GYPB: variants seen among roughly 807,000 people sequenced by gnomAD.
GYPB encodes glycophorin-B.
In GYPB, 13 loss-of-function variants were observed where a neutral mutation model predicts 15.3. The observed-to-expected ratio is 0.85, with a 90% confidence interval of 0.55 to 1.35. The LOEUF (loss-of-function observed/expected upper bound fraction) is 1.35, where lower values mean the gene tolerates loss of function less well. Ranked by LOEUF, GYPB falls within the 40% of genes most tolerant of loss-of-function variation. The probability of loss-of-function intolerance (pLI) is 0.00; values close to 1 mark genes in which losing one functional copy is unlikely to be tolerated. For synonymous variants in GYPB, 38 were observed against 36.9 expected (o/e 1.03, Z -0.11); for missense variants, 131 against 108.3 (o/e 1.21, Z -0.93).
At chr4:143,995,975 A>G, downstream of GYPB, 1 of 343,322 alleles carries the variant, frequency 2.9e-6, no homozygotes, top group East Asian at 5.6e-5. Context: ...TGAAGTCTTC[A>G]TTCCCCTTCT....
intron 1 of GYPB, among the ~76,000 whole-genome samples, chr4:144,008,028 GCA>G (rs1728014530): frequency 6.6e-6 from 1 of 151,422 alleles, no homozygotes; most frequent in Admixed American, 6.6e-5. Context: ...AACACTTACT[GCA>G]CACTTACTTC....
intron 1 of GYPB, chr4:144,012,527 G>C (rs1216077612): frequency 8.3e-6 from 1 of 120,284 alleles, no homozygotes; most frequent in Non-Finnish European, 2.0e-5. Flanking sequence ...AAACAATCTT[G>C]AAGAAGAACA....
At chr4:143,999,501 A>G (rs1381961121) in intron 2 of GYPB, 52 bp from the exon 3 acceptor site, 1 of 958,136 alleles carries the variant, frequency 1.0e-6, no homozygotes, top group African/African-American at 1.7e-5. Flanking sequence ...ATGTGCAAAG[A>G]AAAAAATCAT....
intron 2 of GYPB, 111 bp downstream of exon 2, chr4:144,001,074 C>G (rs145199722): frequency 2.6e-6 from 4 of 1,562,750 alleles, no homozygotes; most frequent in Non-Finnish European, 3.5e-6. Flanking sequence ...CTACTTAGCT[C>G]GCATTTCTCA....
At chr4:144,008,311 T>G (rs1728032440) in intron 1 of GYPB, 1 of 445,608 alleles carries the variant, frequency 2.2e-6, no homozygotes. Flanking sequence ...TCTCACCAAA[T>G]TATAATGCAA....
At chr4:144,001,575 T>C (rs1035892532) in intron 1 of GYPB, among the ~76,000 whole-genome samples, 4 of 151,194 alleles carry the variant, frequency 2.6e-5, no homozygotes, top group Non-Finnish European at 5.9e-5. Context: ...TGCCTCAAAA[T>C]GTCATTGTGA....
In GYPB at chr4:144,018,400, T is replaced by A. The variant is rs556981869; in HGVS notation, c.37+851A>T. ...CTCTTCCCTGTATGCTACAGAGTGC[T>A]CAGTAGATCCTTGATACTTGCGCTC... On this transcript the variant is annotated intron_variant, in intron 1 of 4. Coordinates refer to ENST00000502664, the MANE Select transcript of GYPB (RefSeq NM_002100.6). Among the ~76,000 whole-genome samples the A allele has an allele frequency of 3.3e-5, 5 of 151,022 alleles. No individual in the cohort carries two copies. In the South Asian group the frequency reaches 1.0e-3, roughly 31 times the overall value.
chr4:144,016,116 G>A (rs1310937682), intron 1 of GYPB, among the ~76,000 whole-genome samples: 1 of 121,004 alleles, frequency 8.3e-6, no homozygotes, highest in African/African-American at 3.5e-5. Flanking sequence ...TAGACAGCTA[G>A]CAAGGCTCTC....
intron 1 of GYPB, among the ~76,000 whole-genome samples, chr4:144,011,563 A>G (rs1383215677): frequency 6.6e-6 from 1 of 151,242 alleles, no homozygotes; most frequent in Non-Finnish European, 1.5e-5. Context: ...TATAGCAACG[A>G]GAAACATAAA....
At chr4:143,999,142 A>G in intron 3 of GYPB, 1 of 316,496 alleles carries the variant, frequency 3.2e-6, no homozygotes, top group Non-Finnish European at 5.9e-6. Context: ...TCCTGGGCTC[A>G]AGTGATTAGC....
intron 1 of GYPB, 139 bp downstream of exon 1, chr4:144,019,112 A>G: frequency 7.2e-7 from 1 of 1,382,120 alleles, no homozygotes; most frequent in Non-Finnish European, 9.7e-7. Context: ...TTCCAGTAAA[A>G]TCCATCCACC....
In GYPB at chr4:144,009,709, G is replaced by A. The variant is rs556737513; in HGVS notation, c.38-8426C>T. On this transcript the variant is annotated intron_variant, in intron 1 of 4. Transcript: ENST00000502664. ...GCTCACTGCAAACTCCGCCTCCCGG[G>A]TTCACTCCATTCTCCTGCCTCAGCC... Among the ~76,000 whole-genome samples the A allele has an allele frequency of 6.9e-5, 9 of 129,684 alleles. No homozygotes were observed. The South Asian group carries it at 7.7e-4, about 11-fold the overall frequency. The allele number at this position is 129,684 out of a possible 152,430, so 85.1% of individuals were successfully genotyped here.
rs1310581801 is a variant in GYPB at position 144,016,828 on chromosome 4, C to G, written c.37+2423G>C. The G allele has an allele frequency of 6.7e-6, 3 of 447,460 alleles. 1 individual carries two copies. The highest frequency in any genetic ancestry group is 6.3e-5 in the African/African-American group (3 of 47,460). 27.7% of individuals were successfully genotyped at this position (447,460 alleles called of 1,614,324 possible). Reference sequence around the variant, plus strand: ...TCCTGTTTCAGAATTTTTGCTCTTGCTCTTCCCTCTGCCTTCTGTCCTCTT... The same window carrying G: ...TCCTGTTTCAGAATTTTTGCTCTTGGTCTTCCCTCTGCCTTCTGTCCTCTT... On this transcript the variant is annotated intron_variant, in intron 1 of 4. Transcript: ENST00000502664.
chr4:144,011,594 A>G (rs1324822487), intron 1 of GYPB, among the ~76,000 whole-genome samples: 1 of 151,244 alleles, frequency 6.6e-6, no homozygotes, highest in Non-Finnish European at 1.5e-5. Flanking sequence ...AAATTGGCAA[A>G]AATACAATAC....
chr4:144,009,078 T>C (rs116411089), intron 1 of GYPB, among the ~76,000 whole-genome samples: 1,889 of 151,484 alleles, frequency 0.012, 148 homozygotes, highest in African/African-American at 0.044. Flanking sequence ...TAGGGTTTTG[T>C]TTCCCTCACT....
At chr4:144,008,685 G>T (rs1242331245) in intron 1 of GYPB, among the ~76,000 whole-genome samples, 1 of 151,468 alleles carries the variant, frequency 6.6e-6, no homozygotes, top group Non-Finnish European at 1.5e-5. Flanking sequence ...TAAGGAAGTT[G>T]GGCTGGATGA....
chr4:144,001,061 T>C (rs1430646099), intron 2 of GYPB, 124 bp downstream of exon 2: 2 of 1,496,580 alleles, frequency 1.3e-6, no homozygotes, highest in East Asian at 4.8e-5. Flanking sequence ...TAGTAGGCTG[T>C]GTCTACTTAG....
At chr4:144,017,485 G>A (rs1728567624) in intron 1 of GYPB, among the ~76,000 whole-genome samples, 1 of 151,118 alleles carries the variant, frequency 6.6e-6, no homozygotes, top group Non-Finnish European at 1.5e-5. Context: ...GAGGGTTTCT[G>A]CTACGAAGAT....
chr4:143,997,398 T>C, intron 4 of GYPB, 142 bp downstream of exon 4: 1 of 559,660 alleles, frequency 1.8e-6, no homozygotes, highest in Non-Finnish European at 3.2e-6. Flanking sequence ...AGAAACACAG[T>C]GACTTCTATG....
Sources: gnomAD v4.1 joint callset for allele counts (sites outside exome capture counted in the v4.1 genomes callset) on GRCh38, gnomAD v4.1.1 for gene constraint, MANE v1.5 for transcripts, NCBI Gene and HGNC (gene_info 2026-07-23, HGNC 2026-07-21) for gene names.